Variants in ARSD observed in about 807,000 individuals in gnomAD.
ARSD encodes the protein arylsulfatase D, also known as testis tissue sperm-binding protein Li 39a.
A neutral mutation model predicts 32.6 loss-of-function variants in ARSD; 21 were observed. The observed-to-expected ratio is 0.64, with a 90% confidence interval of 0.46 to 0.93. ARSD has a LOEUF of 0.93. Among genes scored for constraint, ARSD ranks in the 40% least tolerant of loss-of-function variants. The pLI is 0.00. For synonymous variants in ARSD, 224 were observed against 237.4 expected (o/e 0.94, Z 0.52); for missense variants, 454 against 520.9 (o/e 0.87, Z 1.25).
rs750867389 is a variant in ARSD at position 2,924,035 on chromosome X, T to C, written c.194+1581A>G. Among the ~76,000 whole-genome samples the C allele has an allele frequency of 1.2e-4, 14 of 112,121 alleles. No homozygotes were observed. The South Asian group carries it at 4.5e-3, about 36-fold the overall frequency. On this transcript the variant is annotated intron_variant, in intron 2 of 9. Coordinates refer to ENST00000381154, the MANE Select transcript of ARSD (RefSeq NM_001669.4). ...GATCCCTGGACAGGGGGCAGATTGA[T>C]TGATTGATTGACTTAGAGACAGGGT... is the stretch of plus-strand genomic sequence containing the variant.
Position 2,904,635 on chromosome X carries a change from A to C in ARSD, c.*2636T>G, listed in dbSNP as rs1176281716. ...CTGGAGCTATGGCAGCCTTCTTGCA[A>C]CCATGAGGCAAACTCTATGTGCAAG... On this transcript the variant is annotated 3_prime_UTR_variant, in exon 10 of 10. Transcript: ENST00000381154. The C allele has an allele frequency of 1.7e-5, 2 of 117,384 alleles. No individual in the cohort carries two copies. The highest frequency in any genetic ancestry group is 6.5e-5 in the African/African-American group (2 of 30,672). The allele number at this position is 117,384 out of a possible 1,213,427, so 9.7% of individuals were successfully genotyped here. A position where few individuals can be genotyped will look rare whatever the true frequency, so the allele number is the denominator to read the frequency against.
Position 2,907,494 on chromosome X carries a change from G to T in ARSD, c.1559C>A (p.Ser520Tyr). 8.3e-7 allele frequency: 1 copy of T among 1,206,349 alleles called. No homozygotes were observed. Among genetic ancestry groups the T allele is most frequent in the South Asian group, 1.8e-5 (1 of 55,939 alleles). The change falls in exon 10 of 10, where the codon TCC (serine) becomes TAC (tyrosine). Residue 520 changes from serine to tyrosine, a missense_variant. Ser to Tyr is a moderately radical substitution (Grantham distance 144, BLOSUM62 -2). Around this residue, in one of 3 missense-constraint regions of ARSD, gnomAD observed 179 missense variants for 198.5 expected, o/e 0.90. Transcript: ENST00000381154. ...HHRPPLLFDL[S>Y]RDPSEARPLT... Reference sequence around the variant, plus strand: ...GGGCCGTGCCTCGGAGGGGTCCCTGGAGAGGTCAAAGAGCAAAGGGGGTCT... The same window carrying T: ...GGGCCGTGCCTCGGAGGGGTCCCTGTAGAGGTCAAAGAGCAAAGGGGGTCT...
chrX:2,909,825 G>T lies in ARSD; in HGVS notation c.1290C>A (p.Pro430=). ...TVVQLVGGEV[P]QDRVIDGHSL... ...GCCTTATCTCCACGTACCTGTCCTG[G>T]GGCACCTCGCCACCCACCAGCTGGA... Residue 430 remains proline, a synonymous_variant, in exon 8 of 10, where the codon CCC becomes CCA. Transcript: ENST00000381154. 2 of 1,207,280 alleles carry T rather than the reference G, an allele frequency of 1.7e-6. No individual in the cohort carries two copies. The highest frequency in any genetic ancestry group is 2.2e-6 in the Non-Finnish European group (2 of 893,088).
intron 9 of ARSD, among the ~76,000 whole-genome samples, chrX:2,908,515 A>ATC (rs1179965862): frequency 7.6e-4 from 61 of 80,632 alleles, no homozygotes; most frequent in African/African-American, 2.5e-3. Context: ...TGTCTCTATC[A>ATC]TCTCTCTCTC....
In ARSD at chrX:2,907,230, G is replaced by A. The variant is rs768436644; in HGVS notation, c.*41C>T. Reference sequence around the variant, plus strand: ...AAGCTTGGAGAATTTTGTTTGCAACGCAGTCAGGCTCTCCTGGATCCTCTC... The same window carrying A: ...AAGCTTGGAGAATTTTGTTTGCAACACAGTCAGGCTCTCCTGGATCCTCTC... On this transcript the variant is annotated 3_prime_UTR_variant, in exon 10 of 10. Coordinates refer to ENST00000381154, the MANE Select transcript of ARSD (RefSeq NM_001669.4). The A allele has an allele frequency of 2.1e-5, 24 of 1,141,612 alleles. No homozygotes were observed. In the East Asian group the frequency reaches 5.4e-4, roughly 26 times the overall value. The allele number at this position is 1,141,612 out of a possible 1,213,427, so 94.1% of individuals were successfully genotyped here.
chrX:2,929,100 A>G, intron 1 of ARSD, 132 bp downstream of exon 1: 1 of 611,125 alleles, frequency 1.6e-6, no homozygotes. Flanking sequence ...GGAGACTACA[A>G]GGCGCCGGAC....
chrX:2,910,330 TATTA>T (rs1317453816), intron 7 of ARSD, among the ~76,000 whole-genome samples: 91 of 110,785 alleles, frequency 8.2e-4, no homozygotes, highest in African/African-American at 2.8e-3. Context: ...TATGCATCAA[TATTA>T]ATTGATGCAT....
Position 2,917,916 on chromosome X carries a change from C to G in ARSD, c.751G>C (p.Val251Leu). 1.6e-6 allele frequency: 2 copies of G among 1,212,271 alleles called. No homozygotes were observed. Among genetic ancestry groups the G allele is most frequent in the Non-Finnish European group, 2.2e-6 (2 of 895,532 alleles). Residue 251 changes from valine to leucine, a missense_variant, in exon 5 of 10, where the codon GTG becomes CTG. Val to Leu is a conservative substitution (Grantham distance 32). This residue lies in a region of ARSD where 271 missense variants were observed against 301.0 expected (regional missense o/e 0.90). Coordinates refer to ENST00000381154, the MANE Select transcript of ARSD (RefSeq NM_001669.4). ...FISWYSSFGF[V>L]RRWNCILMRN... The stretch of plus-strand genomic sequence containing the variant: ...ATCAGGATACAGTTCCAGCGTCGCA[C>G]AAACCCGAAGGAGGAGTACCAAGAG...
At chrX:2,929,204 A>T (rs2089125668) in intron 1 of ARSD, 28 bp downstream of exon 1, 3 of 1,037,054 alleles carry the variant, frequency 2.9e-6, no homozygotes, top group Non-Finnish European at 3.7e-6. Flanking sequence ...AGGCCTTAGT[A>T]TGGGCCGCGT....
intron 1 of ARSD, among the ~76,000 whole-genome samples, chrX:2,928,110 C>G (rs1466551279): frequency 2.7e-5 from 3 of 111,067 alleles, no homozygotes; most frequent in Non-Finnish European, 5.7e-5. Context: ...TCACGACCCT[C>G]TACCGGTGGC....
At chrX:2,912,144 G>GA (rs1188612744) in intron 6 of ARSD, among the ~76,000 whole-genome samples, 4 of 110,599 alleles carry the variant, frequency 3.6e-5, no homozygotes, top group Non-Finnish European at 7.6e-5. Flanking sequence ...GTTTAAAAAA[G>GA]AAAAAAAAGA....
chrX:2,910,347 A>G (rs1483975674), intron 7 of ARSD, among the ~76,000 whole-genome samples: 1 of 110,312 alleles, frequency 9.1e-6, no homozygotes, highest in African/African-American at 3.3e-5. Context: ...TGATGCATTT[A>G]AAATATTAAA....
chrX:2,913,454 A>G, intron 6 of ARSD: 1 of 717,564 alleles, frequency 1.4e-6, no homozygotes, highest in African/African-American at 2.3e-5. Context: ...CAAAGGAGGG[A>G]ATCCATTCAG....
chrX:2,928,602 G>A (rs1009249001), intron 1 of ARSD, among the ~76,000 whole-genome samples: 3 of 103,869 alleles, frequency 2.9e-5, no homozygotes, highest in African/African-American at 1.1e-4. Flanking sequence ...CGGGAGGACG[G>A]GGCGTTGGGG....
At chrX:2,919,159 T>A (rs1485047132) in intron 4 of ARSD, among the ~76,000 whole-genome samples, 1 of 101,436 alleles carries the variant, frequency 9.9e-6, no homozygotes, top group Non-Finnish European at 2.0e-5. Context: ...GAAAAAACTT[T>A]AAAAAAATTC....
chrX:2,910,873 G>A, intron 6 of ARSD, 80 bp from the exon 7 acceptor site: 1 of 1,080,762 alleles, frequency 9.3e-7, no homozygotes, highest in Non-Finnish European at 1.3e-6. Flanking sequence ...CCTTTCTGCA[G>A]GAGACACCTC....
At chrX:2,922,391 G>T (rs145805822) in intron 2 of ARSD, among the ~76,000 whole-genome samples, 7 of 110,744 alleles carry the variant, frequency 6.3e-5, no homozygotes, top group Non-Finnish European at 1.1e-4. Context: ...GTGTGGGGCC[G>T]AGATGAGGGT....
rs1056462903 is a variant in ARSD at position 2,905,065 on chromosome X, G to A, written c.*2206C>T. ...TTGAGTTCAGCCAACAGATGCCCCT[G>A]TAGGATTTGGACACAGGGAGCCAGG... On this transcript the variant is annotated 3_prime_UTR_variant, in exon 10 of 10. Transcript: ENST00000381154. 5.9e-6 allele frequency: 2 copies of A among 341,187 alleles called. No individual in the cohort carries two copies. The highest frequency in any genetic ancestry group is 1.2e-5 in the Non-Finnish European group (2 of 169,961). The allele number at this position is 341,187 out of a possible 1,213,427, so 28.1% of individuals were successfully genotyped here.
chrX:2,918,019 G>T lies in ARSD; in HGVS notation c.648C>A (p.Ala216=), dbSNP rs113318393. The change falls in exon 5 of 10, where the codon GCC becomes GCA. Residue 216 remains alanine (A), a synonymous_variant. Transcript: ENST00000381154. ...FLALGILTLA[A]GQTCGFFSVS... ...CAGAGAAGAAACCGCAGGTCTGGCC[G>T]GCAGCCAGGGTGAGAATCCCCAGCG... The T allele has an allele frequency of 8.3e-7, 1 of 1,205,690 alleles. No homozygotes were observed.
Sources: gnomAD v4.1 joint callset for allele counts (sites outside exome capture counted in the v4.1 genomes callset) on GRCh38, gnomAD v4.1.1 for gene constraint, gnomAD v4.1.1 regional missense constraint, MANE v1.5 for transcripts, NCBI Gene and HGNC (gene_info 2026-07-23, HGNC 2026-07-21) for gene names.